The following CNTNAP4 variants were observed in gnomAD, a reference collection of about 807,000 sequenced individuals.
CNTNAP4 encodes contactin-associated protein-like 4.
CNTNAP4 carries 98 observed loss-of-function variants against 148.4 expected under a neutral mutation model. The observed-to-expected ratio is 0.66, with a 90% CI of 0.56 to 0.78. The LOEUF is 0.78. Ranked by LOEUF, CNTNAP4 falls within the 30% of genes least tolerant of loss-of-function variation. CNTNAP4 has a pLI of 0.00. For synonymous variants in CNTNAP4, 730 were observed against 565.1 expected, an observed-to-expected ratio of 1.29 and a Z score of -4.14; for missense variants, 1,935 against 1,565.6, an observed-to-expected ratio of 1.24 and a Z score of -3.98.
intron 3 of CNTNAP4, among the ~76,000 whole-genome samples, chr16:76,399,280 C>G (rs1292639808): frequency 6.6e-6 from 1 of 152,054 alleles, no homozygotes; most frequent in African/African-American, 2.4e-5. Context: ...TTTCAGTTCT[C>G]TCATCAGTAA....
rs187877286 is a variant in CNTNAP4 at position 76,371,105 on chromosome 16, A to G, written c.390+15594A>G. On this transcript the variant is annotated intron_variant, in intron 3 of 23. Transcript: ENST00000611870. ...CTCTCCTTAATCAATTATCGATTCAATTCTTTATTTCTCAAAATATGTGTT... is the reference window on the plus strand; with the variant it reads ...CTCTCCTTAATCAATTATCGATTCAGTTCTTTATTTCTCAAAATATGTGTT... Among the ~76,000 whole-genome samples, 152 of 152,258 alleles carry G rather than the reference A, an allele frequency of 1.0e-3. 2 individuals carry two copies. The highest frequency in any genetic ancestry group is 8.4e-3 in the Admixed American group (129 of 15,300).
chr16:76,516,262 G>T (rs545877035), intron 15 of CNTNAP4, among the ~76,000 whole-genome samples: 1 of 152,290 alleles, frequency 6.6e-6, no homozygotes, highest in South Asian at 2.1e-4. Context: ...TCCCTGCAAA[G>T]GACATTAACT....
intron 3 of CNTNAP4, among the ~76,000 whole-genome samples, chr16:76,397,214 T>G (rs985172102): frequency 6.6e-6 from 1 of 151,862 alleles, no homozygotes; most frequent in African/African-American, 2.4e-5. Context: ...GAGAACAGTT[T>G]CCAAGCAGAG....
At chr16:76,540,414 C>T (rs954957666) in intron 20 of CNTNAP4, among the ~76,000 whole-genome samples, 6 of 151,720 alleles carry the variant, frequency 4.0e-5, no homozygotes, top group Non-Finnish European at 2.9e-5. Flanking sequence ...ATTCCTTATC[C>T]AGTGGAGAAA....
intron 17 of CNTNAP4, among the ~76,000 whole-genome samples, chr16:76,530,063 A>G (rs1027447723): frequency 1.3e-5 from 2 of 152,102 alleles, no homozygotes; most frequent in African/African-American, 4.8e-5. Flanking sequence ...AAAACTTCAT[A>G]AGAATTCTTT....
intron 21 of CNTNAP4, among the ~76,000 whole-genome samples, chr16:76,550,768 A>G (rs1004576682): frequency 1.3e-5 from 2 of 152,026 alleles, no homozygotes; most frequent in African/African-American, 4.8e-5. Flanking sequence ...GCCAAGGTGG[A>G]CTAAATGATT....
intron 12 of CNTNAP4, among the ~76,000 whole-genome samples, chr16:76,483,407 C>G (rs983906452): frequency 6.6e-6 from 1 of 152,142 alleles, no homozygotes; most frequent in Non-Finnish European, 1.5e-5. Context: ...CTGGTCACAA[C>G]GGTCTCATTC....
chr16:76,451,220 A>C (rs1365777564), intron 7 of CNTNAP4, among the ~76,000 whole-genome samples: 2 of 152,198 alleles, frequency 1.3e-5, no homozygotes, highest in African/African-American at 4.8e-5. Flanking sequence ...CTTAGGGGCA[A>C]AATGTGTTGC....
At chr16:76,301,674 T>G (rs1404347501) in intron 1 of CNTNAP4, among the ~76,000 whole-genome samples, 2 of 152,154 alleles carry the variant, frequency 1.3e-5, no homozygotes, top group African/African-American at 4.8e-5. Context: ...AATCAGTCAC[T>G]GTGACAAAGG....
chr16:76,490,408 T>C (rs72799032), intron 13 of CNTNAP4, among the ~76,000 whole-genome samples: 10 of 152,288 alleles, frequency 6.6e-5, no homozygotes, highest in Non-Finnish European at 1.2e-4. Context: ...GACTCTTTAT[T>C]TGATTCTGCT....
rs2085299524 is a variant in CNTNAP4 at position 76,558,741 on chromosome 16, T to G, written c.*58T>G. The G allele has an allele frequency of 7.6e-7, 1 of 1,310,820 alleles. No individual in the cohort carries two copies. The allele number at this position is 1,310,820 out of a possible 1,614,324, so 81.2% of individuals were successfully genotyped here. A position where few individuals can be genotyped will look rare whatever the true frequency, so the allele number is the denominator to read the frequency against. ...AGTTTGTTTTAATAGCCAGGGGTTC[T>G]CAATGGAAAAACGAATGCTCTTACA... On this transcript the variant is annotated 3_prime_UTR_variant, in exon 24 of 24. Transcript: ENST00000611870.
intron 2 of CNTNAP4, among the ~76,000 whole-genome samples, chr16:76,317,672 G>A (rs1233758372): frequency 6.6e-6 from 1 of 152,074 alleles, no homozygotes; most frequent in Non-Finnish European, 1.5e-5. Flanking sequence ...CTTAATGCTT[G>A]AGCACACTGA....
At chr16:76,347,065 A>G (rs1964962287) in intron 2 of CNTNAP4, among the ~76,000 whole-genome samples, 1 of 152,136 alleles carries the variant, frequency 6.6e-6, no homozygotes, top group African/African-American at 2.4e-5. Context: ...AAAAATTCCA[A>G]AACAAAGCAA....
At chr16:76,430,814 T>G (rs2079580133) in intron 4 of CNTNAP4, among the ~76,000 whole-genome samples, 1 of 152,150 alleles carries the variant, frequency 6.6e-6, no homozygotes, top group South Asian at 2.1e-4. Flanking sequence ...AATTGGTAAC[T>G]TCTGCAGAAC....
intron 17 of CNTNAP4, among the ~76,000 whole-genome samples, chr16:76,528,053 A>G (rs1209525030): frequency 6.6e-6 from 1 of 152,194 alleles, no homozygotes; most frequent in Non-Finnish European, 1.5e-5. Flanking sequence ...TATTTCAAAT[A>G]ACAAAGTTAT....
At chr16:76,307,229 A>G (rs1322488505) in intron 1 of CNTNAP4, among the ~76,000 whole-genome samples, 1 of 152,098 alleles carries the variant, frequency 6.6e-6, no homozygotes, top group Non-Finnish European at 1.5e-5. Flanking sequence ...AAAACAGAGG[A>G]TAATGACAGA....
intron 3 of CNTNAP4, among the ~76,000 whole-genome samples, chr16:76,363,254 CT>C (rs1246181508): frequency 9.2e-5 from 14 of 151,574 alleles, no homozygotes; most frequent in Non-Finnish European, 1.3e-4. Flanking sequence ...CTTCTGCCTC[CT>C]GGGTTCAAGT....
intron 20 of CNTNAP4, among the ~76,000 whole-genome samples, chr16:76,540,188 G>T (rs1259889677): frequency 1.3e-5 from 2 of 152,070 alleles, no homozygotes; most frequent in Admixed American, 6.6e-5. Context: ...AGAAAATAAT[G>T]ATTGTAATAT....
chr16:76,480,232 A>G (rs145385625), intron 12 of CNTNAP4, among the ~76,000 whole-genome samples: 49 of 152,322 alleles, frequency 3.2e-4, no homozygotes, highest in African/African-American at 1.1e-3. Flanking sequence ...TACTCTAAAC[A>G]ATTTACAGAT....
Sources: allele counts gnomAD v4.1 joint callset (sites outside exome capture counted in the v4.1 genomes callset), GRCh38; gene constraint gnomAD v4.1.1; transcripts MANE v1.5; gene names NCBI Gene and HGNC (gene_info 2026-07-23, HGNC 2026-07-21).